The following MAP3K5 variants were observed in gnomAD, a reference collection of about 807,000 sequenced individuals.
MAP3K5 encodes mitogen-activated protein kinase kinase kinase 5.
In MAP3K5, 56 loss-of-function variants were observed where a neutral mutation model predicts 158.7. The observed-to-expected ratio is 0.35, with a 90% CI of 0.28 to 0.44. The LOEUF (loss-of-function observed/expected upper bound fraction) is 0.44. Ranked by LOEUF, MAP3K5 falls within the 20% of genes least tolerant of loss-of-function variation. The pLI is 1.00. For synonymous variants in MAP3K5, 579 were observed against 601.7 expected, an observed-to-expected ratio of 0.96 and a Z score of 0.55; for missense variants, 1,294 against 1,674.8, an observed-to-expected ratio of 0.77 and a Z score of 3.97.
intron 23 of MAP3K5, among the ~76,000 whole-genome samples, 160 bp from the exon 24 acceptor site, chr6:136,583,900 C>T (rs747301521): frequency 5.9e-5 from 9 of 152,054 alleles, no homozygotes; most frequent in African/African-American, 1.9e-4. Context: ...TGGGCTCAAG[C>T]GAGCCTCCCA....
chr6:136,620,194 C>T (rs1159023721), intron 15 of MAP3K5, among the ~76,000 whole-genome samples: 1 of 152,086 alleles, frequency 6.6e-6, no homozygotes, highest in African/African-American at 2.4e-5. Context: ...TGCTTGAACT[C>T]GGGAGGTGGA....
At chr6:136,583,784 T>C (rs1774993497) in intron 23 of MAP3K5, 44 bp from the exon 24 acceptor site, 17 of 1,563,098 alleles carry the variant, frequency 1.1e-5, no homozygotes, top group Non-Finnish European at 1.5e-5. Context: ...ATATGCTGGA[T>C]ATACCTGCCA....
intron 17 of MAP3K5, among the ~76,000 whole-genome samples, chr6:136,611,889 T>A (rs1327996988): frequency 6.6e-6 from 1 of 152,214 alleles, no homozygotes; most frequent in Non-Finnish European, 1.5e-5. Context: ...GTCACAAGAT[T>A]TGCAACTTCC....
chr6:136,724,710 G>A (rs186278704), intron 1 of MAP3K5, among the ~76,000 whole-genome samples: 28 of 152,260 alleles, frequency 1.8e-4, no homozygotes, highest in African/African-American at 6.7e-4. Flanking sequence ...TCAGAAAAAG[G>A]TTGGCTTTTT....
chr6:136,686,147 T>C (rs1449819553), intron 7 of MAP3K5, among the ~76,000 whole-genome samples: 1 of 152,202 alleles, frequency 6.6e-6, no homozygotes, highest in Non-Finnish European at 1.5e-5. Flanking sequence ...ATAGGTCCTC[T>C]ACAGTAAAAG....
At chr6:136,558,775 G>A (rs373667604) in intron 29 of MAP3K5, 25 bp downstream of exon 29, 24 of 1,446,978 alleles carry the variant, frequency 1.7e-5, no homozygotes, top group Non-Finnish European at 2.0e-5. Context: ...TCTTTCCATA[G>A]TGACAACAGA....
At chr6:136,663,895 G>A (rs536592182) in intron 8 of MAP3K5, among the ~76,000 whole-genome samples, 44 of 152,204 alleles carry the variant, frequency 2.9e-4, no homozygotes, top group African/African-American at 9.4e-4. Context: ...ACAGGCATGA[G>A]CCACCATGTC....
chr6:136,628,159 C>T (rs7741496), intron 14 of MAP3K5, among the ~76,000 whole-genome samples: 3,919 of 151,578 alleles, frequency 0.026, 162 homozygotes, highest in East Asian at 0.15. Context: ...TCGCCTAGGC[C>T]GGAGTGCAGT....
chr6:136,750,697 G>A (rs899084001), intron 1 of MAP3K5, among the ~76,000 whole-genome samples: 3 of 152,168 alleles, frequency 2.0e-5, no homozygotes, highest in African/African-American at 7.2e-5. Context: ...TTTATCTTTC[G>A]TTTCAATTGG....
chr6:136,656,278 G>A (rs943744541), intron 10 of MAP3K5, 29 bp downstream of exon 10: 6 of 1,599,058 alleles, frequency 3.8e-6, no homozygotes, highest in African/African-American at 2.7e-5. Context: ...ATAAAGAAAT[G>A]TACTTAGATT....
chr6:136,779,160 GC>G (rs1784510034), intron 1 of MAP3K5, among the ~76,000 whole-genome samples: 1 of 152,058 alleles, frequency 6.6e-6, no homozygotes, highest in Non-Finnish European at 1.5e-5. Context: ...AATTAGCTGG[GC>G]ATGGTAACCT....
At chr6:136,634,092 C>A (rs916598534) in intron 14 of MAP3K5, among the ~76,000 whole-genome samples, 1 of 152,026 alleles carries the variant, frequency 6.6e-6, no homozygotes, top group Non-Finnish European at 1.5e-5. Flanking sequence ...AGTTTGAGTT[C>A]AATTTGTGGT....
At chr6:136,726,271 T>C (rs1781961614) in intron 1 of MAP3K5, among the ~76,000 whole-genome samples, 1 of 152,232 alleles carries the variant, frequency 6.6e-6, no homozygotes, top group African/African-American at 2.4e-5. Flanking sequence ...AAAATCACTT[T>C]AGAAAGAACT....
At chr6:136,694,421 G>C (rs1780515546) in intron 6 of MAP3K5, 111 bp from the exon 7 acceptor site, 1 of 882,696 alleles carries the variant, frequency 1.1e-6, no homozygotes, top group Non-Finnish European at 1.7e-6. Flanking sequence ...AATTTGCCAG[G>C]ACAGAAACAA....
At chr6:136,622,366 G>A (rs780486880) in intron 15 of MAP3K5, among the ~76,000 whole-genome samples, 49 of 152,132 alleles carry the variant, frequency 3.2e-4, no homozygotes, top group Non-Finnish European at 5.9e-4. Flanking sequence ...AGTAAGTTAT[G>A]AGTCTCTCAG....
Position 136,580,399 on chromosome 6 carries a change from T to C in MAP3K5, c.3419A>G (p.Lys1140Arg), listed in dbSNP as rs371137712. 1 of 1,608,254 alleles carries C rather than the reference T, an allele frequency of 6.2e-7. No homozygotes were observed. Among genetic ancestry groups the C allele is most frequent in the Non-Finnish European group, 8.5e-7 (1 of 1,174,764 alleles). The change falls in exon 25 of 30, where the codon AAA (lysine) becomes AGA (arginine). Residue 1140 changes from lysine (K) to arginine (R), a missense_variant. This residue lies in a region of MAP3K5 where 362 missense variants were observed against 463.2 expected (regional missense o/e 0.78). Transcript: ENST00000359015. ...VLFGFQDAVN[K>R]VLRNHNIKPH... ...CTTGATGTTATGATTCCGAAGAACTTTATTGACCTGGAGAGAGAGTGACAT... is the reference window on the plus strand; with the variant it reads ...CTTGATGTTATGATTCCGAAGAACTCTATTGACCTGGAGAGAGAGTGACAT...
chr6:136,702,275 A>G (rs1196630169), intron 3 of MAP3K5, among the ~76,000 whole-genome samples: 2 of 152,114 alleles, frequency 1.3e-5, no homozygotes, highest in Non-Finnish European at 2.9e-5. Context: ...GAGCTAAGAG[A>G]CAGCCCAGTG....
chr6:136,680,668 C>T (rs1163324050), intron 7 of MAP3K5, among the ~76,000 whole-genome samples: 1 of 152,080 alleles, frequency 6.6e-6, no homozygotes, highest in East Asian at 1.9e-4. Context: ...TACAGTGTAC[C>T]CATGCAAAAA....
At chr6:136,721,096 T>A (rs1452604589) in intron 1 of MAP3K5, among the ~76,000 whole-genome samples, 4 of 152,028 alleles carry the variant, frequency 2.6e-5, no homozygotes, top group Non-Finnish European at 4.4e-5. Context: ...GCATTTTTTT[T>A]AAAGAAGAAG....
Sources: gnomAD v4.1 joint callset for allele counts (sites outside exome capture counted in the v4.1 genomes callset) on GRCh38, gnomAD v4.1.1 for gene constraint, gnomAD v4.1.1 regional missense constraint, MANE v1.5 for transcripts, NCBI Gene and HGNC (gene_info 2026-07-23, HGNC 2026-07-21) for gene names.